PDGFC: variants seen among roughly 807,000 people sequenced by gnomAD.
PDGFC encodes platelet-derived growth factor C.
Under a neutral mutation model 35.5 loss-of-function variants are expected in PDGFC, and 12 were observed. That is an observed-to-expected ratio of 0.34 (90% CI 0.22 to 0.55). The LOEUF is 0.55. Among genes scored for constraint, PDGFC ranks in the 20% least tolerant of loss-of-function variants. The probability of loss-of-function intolerance (pLI) is 0.91; values close to 1 mark genes in which losing one functional copy is unlikely to be tolerated. For missense variants in PDGFC, 322 were observed against 412.4 expected, an observed-to-expected ratio of 0.78 and a Z score of 1.90; for synonymous variants, 159 against 148.8, an observed-to-expected ratio of 1.07 and a Z score of -0.50.
chr4:156,927,494 G>A (rs1011117628), intron 1 of PDGFC, among the ~76,000 whole-genome samples: 9 of 152,146 alleles, frequency 5.9e-5, no homozygotes, highest in Non-Finnish European at 1.3e-4. Context: ...ATGCTTTGCT[G>A]CTTAGAAATT....
At chr4:156,814,026 C>T (rs919724224) in intron 2 of PDGFC, among the ~76,000 whole-genome samples, 2 of 152,070 alleles carry the variant, frequency 1.3e-5, no homozygotes, top group African/African-American at 2.4e-5. Flanking sequence ...GGAATGAATA[C>T]TTGGCCTTCA....
intron 2 of PDGFC, among the ~76,000 whole-genome samples, chr4:156,835,690 A>G (rs1410607292): frequency 1.3e-5 from 2 of 152,218 alleles, no homozygotes; most frequent in South Asian, 2.1e-4. Context: ...TAGGCAAAGT[A>G]ATTTAACCAG....
chr4:156,903,928 A>T (rs1730853845), intron 1 of PDGFC, among the ~76,000 whole-genome samples: 1 of 152,200 alleles, frequency 6.6e-6, no homozygotes, highest in South Asian at 2.1e-4. Flanking sequence ...CTTTAGGCCA[A>T]TTTTAATCTC....
chr4:156,932,641 C>G (rs1731578823), intron 1 of PDGFC, among the ~76,000 whole-genome samples: 1 of 150,450 alleles, frequency 6.6e-6, no homozygotes, highest in South Asian at 2.1e-4. Flanking sequence ...CAAACTATCT[C>G]AAGGACAAAA....
At chr4:156,848,050 T>C (rs1729367383) in intron 2 of PDGFC, among the ~76,000 whole-genome samples, 1 of 151,446 alleles carries the variant, frequency 6.6e-6, no homozygotes, top group South Asian at 2.1e-4. Flanking sequence ...AAATTCCAGA[T>C]AAATAAAGAA....
At chr4:156,870,602 A>G (rs1294344326) in intron 1 of PDGFC, among the ~76,000 whole-genome samples, 1 of 152,104 alleles carries the variant, frequency 6.6e-6, no homozygotes, top group Non-Finnish European at 1.5e-5. Flanking sequence ...AAATAAATTA[A>G]TATTACGAAG....
At chr4:156,862,850 G>A (rs756176643) in intron 1 of PDGFC, among the ~76,000 whole-genome samples, 22 of 151,378 alleles carry the variant, frequency 1.5e-4, no homozygotes, top group Non-Finnish European at 2.7e-4. Context: ...ACCTGCCACC[G>A]CGCCTGGCCA....
intron 1 of PDGFC, among the ~76,000 whole-genome samples, chr4:156,958,579 G>C (rs1190850547): frequency 6.6e-6 from 1 of 151,984 alleles, no homozygotes; most frequent in African/African-American, 2.4e-5. Flanking sequence ...TTTGACAGAA[G>C]TTACAGAATG....
chr4:156,911,798 G>A (rs977532834), intron 1 of PDGFC, among the ~76,000 whole-genome samples: 1 of 152,070 alleles, frequency 6.6e-6, no homozygotes, highest in African/African-American at 2.4e-5. Context: ...GGAGTGATAA[G>A]GCAGATGAAA....
Position 156,820,719 on chromosome 4 carries a change from G to GA in PDGFC, c.315-9703dup, listed in dbSNP as rs543263395. Among the ~76,000 whole-genome samples the GA allele has an allele frequency of 2.6e-5, 4 of 151,146 alleles. No homozygotes were observed. In the South Asian group the frequency reaches 6.2e-4, roughly 24 times the overall value. ...ATGACCCTTCAGAATAGTAAGAGGAGAAAAAAAATATATGATCATACTCAT... is the reference window on the plus strand; with the variant it reads ...ATGACCCTTCAGAATAGTAAGAGGAGAAAAAAAAATATATGATCATACTCAT... On this transcript the variant is annotated intron_variant, in intron 2 of 5. Coordinates refer to ENST00000502773, the MANE Select transcript of PDGFC (RefSeq NM_016205.3).
At position 156,780,961 on chromosome 4, in the gene PDGFC, T is replaced by C. The variant is rs1414180545; in HGVS notation, c.496-8068A>G. ...CTCCTTAGCTCTGAGTGCTGGTTCC[T>C]CCTTATCACCTTCTTTTTACATGCT... On this transcript the variant is annotated intron_variant, in intron 3 of 5. Coordinates refer to ENST00000502773, the MANE Select transcript of PDGFC (RefSeq NM_016205.3). Among the ~76,000 whole-genome samples the C allele has an allele frequency of 2.6e-5, 4 of 152,280 alleles. No homozygotes were observed. The South Asian group carries it at 6.2e-4, about 24-fold the overall frequency.
At chr4:156,897,623 A>T (rs1483287585) in intron 1 of PDGFC, among the ~76,000 whole-genome samples, 1 of 152,198 alleles carries the variant, frequency 6.6e-6, no homozygotes, top group Admixed American at 6.5e-5. Context: ...ACTAAATGTT[A>T]AACCTACATA....
chr4:156,959,420 T>C (rs1732286799), intron 1 of PDGFC, among the ~76,000 whole-genome samples: 1 of 152,018 alleles, frequency 6.6e-6, no homozygotes, highest in African/African-American at 2.4e-5. Flanking sequence ...TAGCTTTTTA[T>C]GGCCTTTCCA....
At chr4:156,888,854 T>G (rs1382191200) in intron 1 of PDGFC, among the ~76,000 whole-genome samples, 2 of 152,168 alleles carry the variant, frequency 1.3e-5, no homozygotes, top group African/African-American at 4.8e-5. Context: ...CACACAACTC[T>G]CACATAATTA....
chr4:156,938,617 C>T (rs1233642304), intron 1 of PDGFC, among the ~76,000 whole-genome samples: 1 of 151,640 alleles, frequency 6.6e-6, no homozygotes, highest in Non-Finnish European at 1.5e-5. Flanking sequence ...TAATAACATA[C>T]ATATAAAATT....
intron 1 of PDGFC, among the ~76,000 whole-genome samples, chr4:156,913,656 T>G (rs1731093364): frequency 6.9e-6 from 1 of 145,802 alleles, no homozygotes. Flanking sequence ...CTTATCTTAC[T>G]ACTTTTCAGT....
intron 1 of PDGFC, among the ~76,000 whole-genome samples, chr4:156,900,974 A>T: frequency 6.6e-6 from 1 of 151,990 alleles, no homozygotes; most frequent in Non-Finnish European, 1.5e-5. Flanking sequence ...GAAGAAAAAA[A>T]GAGAAGAGGG....
At chr4:156,870,697 G>A (rs932177191) in intron 1 of PDGFC, among the ~76,000 whole-genome samples, 4 of 152,044 alleles carry the variant, frequency 2.6e-5, no homozygotes, top group Admixed American at 6.6e-5. Flanking sequence ...ACCCTAAGCC[G>A]TTGATGTATA....
chr4:156,769,033 C>T (rs922740080), intron 4 of PDGFC, among the ~76,000 whole-genome samples: 1 of 151,714 alleles, frequency 6.6e-6, no homozygotes, highest in Non-Finnish European at 1.5e-5. Flanking sequence ...TAGAAATATT[C>T]AAATAAAGCA....
Sources: gnomAD v4.1 joint callset for allele counts (sites outside exome capture counted in the v4.1 genomes callset) on GRCh38, gnomAD v4.1.1 for gene constraint, MANE v1.5 for transcripts, NCBI Gene and HGNC (gene_info 2026-07-23, HGNC 2026-07-21) for gene names.